The following FCHO2 variants were observed in gnomAD, a reference collection of about 807,000 sequenced individuals.
FCHO2 encodes FCH and mu domain containing endocytic adaptor 2, also known as F-BAR domain only protein 2.
In FCHO2, 43 loss-of-function variants were observed where a neutral mutation model predicts 114.1. That is an observed-to-expected ratio of 0.38 (90% CI 0.30 to 0.49). The LOEUF (loss-of-function observed/expected upper bound fraction) is 0.49, where lower values mean the gene tolerates loss of function less well. Among genes scored for constraint, FCHO2 ranks in the 20% least tolerant of loss-of-function variants. FCHO2 has a pLI of 0.97. For synonymous variants in FCHO2, 293 were observed against 315.2 expected (o/e 0.93, Z 0.75); for missense variants, 807 against 950.4 (o/e 0.85, Z 1.98).
At chr5:73,015,075 CAAAAAAAAAAAAA>C (rs1001718712) in intron 6 of FCHO2, among the ~76,000 whole-genome samples, 1 of 31,828 alleles carries the variant, frequency 3.1e-5, no homozygotes, top group Non-Finnish European at 6.6e-5. Context: ...GACTCCGTCT[CAAAAAAAAAAAAA>C]AAAAAAAAAG....
Position 73,017,268 on chromosome 5 carries a change from A to C in FCHO2, c.756A>C (p.Gln252His). 2 of 1,567,788 alleles carry C rather than the reference A, an allele frequency of 1.3e-6. No individual in the cohort carries two copies. The highest frequency in any genetic ancestry group is 1.7e-6 in the Non-Finnish European group (2 of 1,155,394). The change falls in exon 8 of 26, where the codon CAA becomes CAC. Residue 252 changes from glutamine (Q) to histidine (H), a missense_variant. Transcript: ENST00000430046. ...MANTTVESLI[Q>H]KFAESKGTGK... ...ATACTACAGTTGAAAGTTTGATACA[A>C]AAATTTGCTGAGTCAAAAGGCACTG...
intron 2 of FCHO2, among the ~76,000 whole-genome samples, chr5:72,970,322 A>G (rs1048787105): frequency 6.6e-6 from 1 of 152,212 alleles, no homozygotes; most frequent in African/African-American, 2.4e-5. Context: ...ACAAAACTGC[A>G]TACATAGTAC....
At chr5:72,971,828 T>C (rs1752573977) in intron 2 of FCHO2, among the ~76,000 whole-genome samples, 1 of 152,174 alleles carries the variant, frequency 6.6e-6, no homozygotes, top group Non-Finnish European at 1.5e-5. Flanking sequence ...GTTTTTATGG[T>C]TTTAGGTCGA....
intron 2 of FCHO2, among the ~76,000 whole-genome samples, chr5:72,972,720 T>C (rs150446942): frequency 0.14 from 21,538 of 151,886 alleles, 1,716 homozygotes; most frequent in East Asian, 0.34. Context: ...TTGCCCTGGC[T>C]AGAACTTCCA....
At chr5:73,063,380 C>T (rs2112862511) in intron 17 of FCHO2, among the ~76,000 whole-genome samples, 1 of 152,058 alleles carries the variant, frequency 6.6e-6, no homozygotes, top group Non-Finnish European at 1.5e-5. Flanking sequence ...TGTGGTTCAA[C>T]TTAAAAGGCA....
chr5:73,054,359 CA>C (rs1236604751), intron 14 of FCHO2, among the ~76,000 whole-genome samples, 165 bp from the exon 15 acceptor site: 1 of 152,090 alleles, frequency 6.6e-6, no homozygotes, highest in East Asian at 1.9e-4. Context: ...TGCTGTAAAA[CA>C]AAAACTACTG....
chr5:73,034,882 A>G (rs1450802487), intron 9 of FCHO2, among the ~76,000 whole-genome samples, 181 bp downstream of exon 9: 1 of 152,232 alleles, frequency 6.6e-6, no homozygotes, highest in Non-Finnish European at 1.5e-5. Context: ...AATAAATAAC[A>G]GATTTTCCCA....
intron 1 of FCHO2, among the ~76,000 whole-genome samples, chr5:72,958,070 C>T (rs1751653005): frequency 6.6e-6 from 1 of 150,468 alleles, no homozygotes; most frequent in Non-Finnish European, 1.5e-5. Flanking sequence ...ATTCTGGATA[C>T]ACACCTTATC....
At chr5:73,001,798 G>T (rs150281668) in intron 5 of FCHO2, among the ~76,000 whole-genome samples, 1 of 151,946 alleles carries the variant, frequency 6.6e-6, no homozygotes, top group East Asian at 1.9e-4. Flanking sequence ...AATTAGCCAG[G>T]CGTAGTGGCA....
chr5:72,996,983 A>T, intron 5 of FCHO2: 2 of 1,607,104 alleles, frequency 1.2e-6, no homozygotes, highest in South Asian at 2.2e-5. Flanking sequence ...CAAGCTCTGG[A>T]GCTTCTCCGC....
At position 73,021,027 on chromosome 5, in the gene FCHO2, A is replaced by T. The variant is rs939215828; in HGVS notation, c.796+3719A>T. On this transcript the variant is annotated intron_variant, in intron 8 of 25. Coordinates refer to ENST00000430046, the MANE Select transcript of FCHO2 (RefSeq NM_138782.3). The stretch of plus-strand genomic sequence containing the variant: ...CCTCAATGGGGTGGAAATGAGCCAA[A>T]GTTCACATGAATCCATGGAAGTTTA... 4.1e-6 allele frequency: 5 copies of T among 1,227,240 alleles called. No homozygotes were observed. In the African/African-American group the frequency reaches 4.4e-5, roughly 11 times the overall value. The allele number at this position is 1,227,240 out of a possible 1,614,324, so 76.0% of individuals were successfully genotyped here. A position where few individuals can be genotyped will look rare whatever the true frequency, so the allele number is the denominator to read the frequency against.
intron 24 of FCHO2, among the ~76,000 whole-genome samples, chr5:73,086,136 C>A (rs1158028981): frequency 3.3e-5 from 5 of 150,708 alleles, no homozygotes; most frequent in East Asian, 3.9e-4. Context: ...AAAAAAAAAA[C>A]ACAAAAAATT....
At chr5:73,023,652 A>G (rs1332955888) in intron 8 of FCHO2, among the ~76,000 whole-genome samples, 2 of 151,832 alleles carry the variant, frequency 1.3e-5, no homozygotes, top group African/African-American at 4.8e-5. Flanking sequence ...GCGAGCTCAG[A>G]TTGCGCCATT....
At chr5:72,962,391 C>G (rs1046140264) in intron 1 of FCHO2, among the ~76,000 whole-genome samples, 2 of 152,186 alleles carry the variant, frequency 1.3e-5, no homozygotes, top group Non-Finnish European at 2.9e-5. Flanking sequence ...TTTAAATCAT[C>G]CTGCACATGT....
intron 2 of FCHO2, among the ~76,000 whole-genome samples, chr5:72,981,788 A>C (rs1455526592): frequency 6.6e-6 from 1 of 152,040 alleles, no homozygotes; most frequent in Non-Finnish European, 1.5e-5. Flanking sequence ...TGTGTTTTTC[A>C]TCTCCATCAG....
chr5:72,970,826 A>C (rs899257244), intron 2 of FCHO2, among the ~76,000 whole-genome samples: 4 of 152,020 alleles, frequency 2.6e-5, no homozygotes, highest in African/African-American at 9.7e-5. Context: ...CATTAGGTAT[A>C]TCTCCCAATG....
At chr5:72,990,334 T>C (rs1250830068) in intron 3 of FCHO2, 144 bp from the exon 4 acceptor site, 1 of 623,444 alleles carries the variant, frequency 1.6e-6, no homozygotes, top group Non-Finnish European at 2.6e-6. Context: ...AGTCTGTCAA[T>C]CATTTTATTC....
intron 11 of FCHO2, 64 bp downstream of exon 11, chr5:73,041,379 C>T (rs1338295010): frequency 1.5e-5 from 15 of 1,005,868 alleles, no homozygotes; most frequent in Non-Finnish European, 2.1e-5. Flanking sequence ...ACAAACCTAA[C>T]ACATTTGAGT....
chr5:72,972,249 T>C (rs924768028), intron 2 of FCHO2, among the ~76,000 whole-genome samples: 28 of 151,866 alleles, frequency 1.8e-4, no homozygotes, highest in African/African-American at 6.8e-4. Context: ...AAGTCATTAG[T>C]AGCTTGATGG....
Sources: allele counts gnomAD v4.1 joint callset (sites outside exome capture counted in the v4.1 genomes callset), GRCh38; gene constraint gnomAD v4.1.1; transcripts MANE v1.5; gene names NCBI Gene and HGNC (gene_info 2026-07-23, HGNC 2026-07-21).